The following MOCS1 variants were observed in gnomAD, a reference collection of about 807,000 sequenced individuals.
MOCS1 encodes the protein molybdenum cofactor synthesis 1.
A neutral mutation model predicts 57.6 loss-of-function variants in MOCS1; 39 were observed. The ratio of observed to expected loss-of-function variants is 0.68; its 90% confidence interval spans 0.52 to 0.88. The LOEUF (loss-of-function observed/expected upper bound fraction) is 0.88, where lower values mean the gene tolerates loss of function less well. Among genes scored for constraint, MOCS1 ranks in the 40% least tolerant of loss-of-function variants. MOCS1 has a pLI of 0.00. For synonymous variants in MOCS1, 334 were observed against 335.7 expected, an observed-to-expected ratio of 1.00 and a Z score of 0.05; for missense variants, 795 against 831.1, an observed-to-expected ratio of 0.96 and a Z score of 0.53.
At position 39,925,805 on chromosome 6, in the gene MOCS1, G is replaced by A; in HGVS notation, c.291C>T (p.Pro97=). 1 of 1,612,714 alleles carries A rather than the reference G, an allele frequency of 6.2e-7. No individual in the cohort carries two copies. The highest frequency in any genetic ancestry group is 8.5e-7 in the Non-Finnish European group (1 of 1,179,944). ...CCTCTGTGGTCAGCAGGTTGGCTTT[G>A]GGGGTCAGCGGGACCCCCTCCTCGG... ...CMPEEGVPLT[P]KANLLTTEEI... The change falls in exon 3 of 11, where the codon CCC becomes CCT. Residue 97 remains proline, a synonymous_variant. Coordinates refer to ENST00000340692, the MANE Select transcript of MOCS1 (RefSeq NM_001358530.2).
chr6:39,930,607 C>T (rs747018985), intron 1 of MOCS1, among the ~76,000 whole-genome samples: 6 of 152,152 alleles, frequency 3.9e-5, no homozygotes, highest in Non-Finnish European at 8.8e-5. Flanking sequence ...ACCCTGGCAG[C>T]CCATCAAAAT....
At chr6:39,925,901 C>G (rs11965167) in intron 2 of MOCS1, 56 bp from the exon 3 acceptor site, 3 of 1,544,372 alleles carry the variant, frequency 1.9e-6, no homozygotes, top group African/African-American at 2.7e-5. Context: ...GCCACAGCCC[C>G]GTGATGCCTC....
At chr6:39,928,757 G>C (rs1275272856) in intron 1 of MOCS1, among the ~76,000 whole-genome samples, 1 of 152,176 alleles carries the variant, frequency 6.6e-6, no homozygotes, top group Non-Finnish European at 1.5e-5. Flanking sequence ...GTCTTGCTAG[G>C]AGTAAAGACA....
At position 39,909,816 on chromosome 6, in the gene MOCS1, C is replaced by A; in HGVS notation, c.1102+19G>T. The A allele has an allele frequency of 6.2e-7, 1 of 1,611,726 alleles. No homozygotes were observed. The highest frequency in any genetic ancestry group is 8.5e-7 in the Non-Finnish European group (1 of 1,179,968). ...GGCCCACTCACCATCCAGGCCAGCC[C>A]TCCCCACCCTGCACTTACCTGCATG... On this transcript the variant is annotated intron_variant, in intron 9 of 10. Transcript: ENST00000340692.
intron 3 of MOCS1, 57 bp downstream of exon 3, chr6:39,925,621 T>G: frequency 6.3e-7 from 1 of 1,599,828 alleles, no homozygotes; most frequent in South Asian, 1.1e-5. Context: ...TCGGCATCAG[T>G]GTCCAGCCGG....
Position 39,906,479 on chromosome 6 carries a change from C to T in MOCS1, c.1789G>A (p.Ala597Thr), listed in dbSNP as rs1766948205. The T allele has an allele frequency of 2.5e-6, 4 of 1,614,034 alleles. No individual in the cohort carries two copies. The highest frequency in any genetic ancestry group is 1.6e-4 in the Middle Eastern group (1 of 6,078). Residue 597 changes from alanine (A) to threonine (T), a missense_variant, in exon 11 of 11, where the codon GCT becomes ACT. Around this residue, in one of 3 missense-constraint regions of MOCS1, gnomAD observed 374 missense variants for 422.6 expected, o/e 0.89. Coordinates refer to ENST00000340692, the MANE Select transcript of MOCS1 (RefSeq NM_001358530.2). ...TGVEMEALTS[A>T]AVAALTLYDM... ...TACAGGGTGAGGGCGGCCACTGCAG[C>T]AGAGGTCAGGGCCTCCATCTCCACC...
chr6:39,927,481 C>T (rs1465781356), intron 1 of MOCS1, 26 bp from the exon 2 acceptor site: 4 of 1,609,910 alleles, frequency 2.5e-6, no homozygotes, highest in Middle Eastern at 1.6e-4. Flanking sequence ...AGGGAGGAAG[C>T]ATGGGCCCCT....
chr6:39,918,446 G>A (rs1004356163), intron 3 of MOCS1, among the ~76,000 whole-genome samples: 1 of 152,212 alleles, frequency 6.6e-6, no homozygotes, highest in African/African-American at 2.4e-5. Context: ...AATTTTTAAA[G>A]CCTTTGACCT....
At chr6:39,917,612 C>A (rs139345826) in intron 3 of MOCS1, among the ~76,000 whole-genome samples, 2 of 151,986 alleles carry the variant, frequency 1.3e-5, no homozygotes, top group Non-Finnish European at 2.9e-5. Context: ...ATGAGTACAC[C>A]GCCAAGAATC....
intron 3 of MOCS1, among the ~76,000 whole-genome samples, chr6:39,920,183 G>A (rs998554731): frequency 6.6e-6 from 1 of 152,112 alleles, no homozygotes; most frequent in African/African-American, 2.4e-5. Context: ...GTGAAGAGAT[G>A]CCAACTTCAT....
intron 3 of MOCS1, among the ~76,000 whole-genome samples, chr6:39,923,889 C>G (rs1360722120): frequency 6.6e-6 from 1 of 152,196 alleles, no homozygotes; most frequent in Non-Finnish European, 1.5e-5. Flanking sequence ...AGGGCTGGTG[C>G]TCATTCATCT....
intron 4 of MOCS1, 46 bp downstream of exon 4, chr6:39,916,022 T>TGTGCAGGCCTAG (rs1767635839): frequency 6.4e-7 from 1 of 1,561,914 alleles, no homozygotes; most frequent in Admixed American, 1.9e-5. Flanking sequence ...TCCCCAGCTA[T>TGTGCAGGCCTAG]GTGCAGGCCC....
At chr6:39,913,535 T>C (rs1022649353) in intron 5 of MOCS1, 107 bp from the exon 6 acceptor site, 7 of 1,029,240 alleles carry the variant, frequency 6.8e-6, no homozygotes, top group South Asian at 1.3e-5. Context: ...CAGGGACCCA[T>C]TCCTTGCTTC....
intron 7 of MOCS1, 34 bp from the exon 8 acceptor site, chr6:39,912,408 G>A: frequency 1.4e-6 from 2 of 1,450,332 alleles, no homozygotes; most frequent in Non-Finnish European, 1.9e-6. Context: ...AAAGGGCAGT[G>A]GAGGGGATGG....
chr6:39,929,939 C>CAAAAAAAAA (rs397948587), intron 1 of MOCS1, among the ~76,000 whole-genome samples: 1 of 96,712 alleles, frequency 1.0e-5, no homozygotes, highest in African/African-American at 4.1e-5. Flanking sequence ...GAGATTCTCT[C>CAAAAAAAAA]AAAAAAAAAA....
chr6:39,934,442 A>T lies in MOCS1; in HGVS notation c.-25T>A. 1.3e-6 allele frequency: 2 copies of T among 1,560,480 alleles called. No individual in the cohort carries two copies. The highest frequency in any genetic ancestry group is 1.7e-6 in the Non-Finnish European group (2 of 1,159,778). On this transcript the variant is annotated 5_prime_UTR_variant, in exon 1 of 11. Coordinates refer to ENST00000340692, the MANE Select transcript of MOCS1 (RefSeq NM_001358530.2). Reference sequence around the variant, plus strand: ...TGAAGCCTGATACGAGCGGAACCGCAGCCCGCTTCGGGAGCACACTGGCCG... The same window carrying T: ...TGAAGCCTGATACGAGCGGAACCGCTGCCCGCTTCGGGAGCACACTGGCCG...
chr6:39,907,351 C>T (rs563299593), intron 10 of MOCS1, among the ~76,000 whole-genome samples: 92 of 152,104 alleles, frequency 6.0e-4, no homozygotes, highest in African/African-American at 2.2e-3. Flanking sequence ...AGGGTAACAG[C>T]CCTCCTAGAA....
In MOCS1 at chr6:39,906,192, T is replaced by G; in HGVS notation, c.*165A>C. 1 of 877,946 alleles carries G rather than the reference T, an allele frequency of 1.1e-6. No individual in the cohort carries two copies. Among genetic ancestry groups the G allele is most frequent in the Non-Finnish European group, 1.9e-6 (1 of 525,200 alleles). 54.4% of individuals were successfully genotyped at this position (877,946 alleles called of 1,614,324 possible). A position where few individuals can be genotyped will look rare whatever the true frequency, so the allele number is the denominator to read the frequency against. On this transcript the variant is annotated 3_prime_UTR_variant, in exon 11 of 11. Coordinates refer to ENST00000340692, the MANE Select transcript of MOCS1 (RefSeq NM_001358530.2). Reference sequence around the variant, plus strand: ...AAGCCCCATTGGTCATTAGAGATCATCTAGCAGCAGGCCTGTTTGTTAGTA... The same window carrying G: ...AAGCCCCATTGGTCATTAGAGATCAGCTAGCAGCAGGCCTGTTTGTTAGTA...
rs1768795548 is a variant in MOCS1 at position 39,934,275 on chromosome 6, C to T, written c.123+20G>A. On this transcript the variant is annotated intron_variant, in intron 1 of 10. Transcript: ENST00000340692. ...CACTCCTGCCCCGGGAAGCTGTGGA[C>T]GCAGGCGGGGTGGGCTCACCTCCGA... 1 of 1,532,006 alleles carries T rather than the reference C, an allele frequency of 6.5e-7. No individual in the cohort carries two copies. The highest frequency in any genetic ancestry group is 8.7e-7 in the Non-Finnish European group (1 of 1,146,060). 94.9% of individuals were successfully genotyped at this position (1,532,006 alleles called of 1,614,324 possible).
Sources: allele counts gnomAD v4.1 joint callset (sites outside exome capture counted in the v4.1 genomes callset), GRCh38; gene constraint gnomAD v4.1.1; regional missense constraint gnomAD v4.1.1; transcripts MANE v1.5; gene names NCBI Gene and HGNC (gene_info 2026-07-23, HGNC 2026-07-21).